MYH14: variants seen among roughly 807,000 people sequenced by gnomAD.
MYH14 encodes the protein myosin heavy chain 14, also known as myosin-14.
In MYH14, 123 loss-of-function variants were observed where a neutral mutation model predicts 255.5. The observed-to-expected ratio is 0.48, with a 90% CI of 0.42 to 0.56. MYH14 has a LOEUF of 0.56. Ranked by LOEUF, MYH14 falls within the 20% of genes least tolerant of loss-of-function variation. The pLI, the probability that MYH14 is intolerant of heterozygous loss-of-function variation, is 0.00. For missense variants in MYH14, 2,423 were observed against 2,802.3 expected, an observed-to-expected ratio of 0.86 and a Z score of 3.06; for synonymous variants, 1,095 against 1,161.2, an observed-to-expected ratio of 0.94 and a Z score of 1.16.
chr19:50,231,214 G>T (rs1376664994), intron 9 of MYH14, among the ~76,000 whole-genome samples: 1 of 152,214 alleles, frequency 6.6e-6, no homozygotes, highest in Non-Finnish European at 1.5e-5. Flanking sequence ...CCGCTTCCTG[G>T]CTCCTGCGGC....
chr19:50,286,267 T>C, intron 33 of MYH14: 1 of 473,636 alleles, frequency 2.1e-6, no homozygotes, highest in Non-Finnish European at 3.8e-6. Context: ...GTTGAACATA[T>C]AGAGTTAGGG....
intron 11 of MYH14, among the ~76,000 whole-genome samples, chr19:50,245,431 A>T (rs1568492909): frequency 3.9e-5 from 5 of 128,622 alleles, no homozygotes; most frequent in Non-Finnish European, 3.2e-5. Flanking sequence ...AAAAAAAAAA[A>T]AGAAGAAGAA....
chr19:50,307,199 C>A, intron 41 of MYH14, 42 bp downstream of exon 41: 2 of 1,277,066 alleles, frequency 1.6e-6, no homozygotes, highest in South Asian at 1.3e-5. Flanking sequence ...AGAGTGTGAC[C>A]ACTGGCTGAG....
At chr19:50,271,823 G>A in intron 25 of MYH14, 26 bp from the exon 26 acceptor site, 3 of 1,612,024 alleles carry the variant, frequency 1.9e-6, no homozygotes, top group Non-Finnish European at 2.5e-6. Context: ...CCTCCTGACT[G>A]CCCCCCATCC....
intron 2 of MYH14, 85 bp from the exon 3 acceptor site, chr19:50,217,530 A>G (rs1225599917): frequency 6.2e-6 from 9 of 1,455,554 alleles, no homozygotes; most frequent in Non-Finnish European, 8.7e-6. Flanking sequence ...GCCCTTGTGC[A>G]GTGCACGGCC....
At chr19:50,267,979 A>T (rs936566406) in intron 23 of MYH14, among the ~76,000 whole-genome samples, 182 bp from the exon 24 acceptor site, 8 of 151,592 alleles carry the variant, frequency 5.3e-5, no homozygotes, top group African/African-American at 1.9e-4. Context: ...GATTAGGGGG[A>T]TGTGGGCTCA....
chr19:50,293,777 G>C lies in MYH14; in HGVS notation c.5469+90G>C. The C allele has an allele frequency of 7.2e-7, 1 of 1,391,402 alleles. No homozygotes were observed. The highest frequency in any genetic ancestry group is 9.6e-7 in the Non-Finnish European group (1 of 1,037,614). 86.2% of individuals were successfully genotyped at this position (1,391,402 alleles called of 1,614,324 possible). A position where few individuals can be genotyped will look rare whatever the true frequency, so the allele number is the denominator to read the frequency against. On this transcript the variant is annotated intron_variant, in intron 39 of 42. Coordinates refer to ENST00000642316, the MANE Select transcript of MYH14 (RefSeq NM_001145809.2). The surrounding 1 kb of genome is among the most constrained non-coding windows in gnomAD (Gnocchi z 4.1). ...CCTCTTATTCAACAAATATAGAAAG[G>C]GGATATTTGAGTTGGGTTTTGAAGG...
rs1490027557 is a variant in MYH14 at position 50,301,874 on chromosome 19, G to A, written c.5678+5G>A. On this transcript the variant is annotated splice_donor_5th_base_variant and intron_variant, in intron 40 of 42. Transcript: ENST00000642316. ...GCAGCTAGAGCAAGAGACCAGGTAGGTGAGAGCGGAGGCCACAGGAGAAAG... is the reference window on the plus strand; with the variant it reads ...GCAGCTAGAGCAAGAGACCAGGTAGATGAGAGCGGAGGCCACAGGAGAAAG... 8 of 1,607,084 alleles carry A rather than the reference G, an allele frequency of 5.0e-6. No homozygotes were observed. The highest frequency in any genetic ancestry group is 6.8e-6 in the Non-Finnish European group (8 of 1,176,526).
At position 50,230,369 on chromosome 19, in the gene MYH14, C is replaced by T. The variant is rs1483464381; in HGVS notation, c.875-156C>T. The stretch of plus-strand genomic sequence containing the variant: ...CTTAAGTGACATGAGCACGGCTGCT[C>T]TTCCAGTTAGTGGCAAAGTCACCAG... On this transcript the variant is annotated intron_variant, in intron 8 of 42. Coordinates refer to ENST00000642316, the MANE Select transcript of MYH14 (RefSeq NM_001145809.2). The surrounding 1 kb of genome is among the most constrained non-coding windows in gnomAD (Gnocchi z 4.7). Among the ~76,000 whole-genome samples the T allele has an allele frequency of 1.3e-5, 2 of 152,238 alleles. No individual in the cohort carries two copies. The highest frequency in any genetic ancestry group is 2.4e-5 in the African/African-American group (1 of 41,456).
chr19:50,223,096 G>C lies in MYH14; in HGVS notation c.576G>C (p.Gln192His). The C allele has an allele frequency of 6.2e-7, 1 of 1,613,758 alleles. No homozygotes were observed. Among genetic ancestry groups the C allele is most frequent in the Admixed American group, 1.7e-5 (1 of 60,020 alleles). The change falls in exon 4 of 43, where the codon CAG (glutamine) becomes CAC (histidine). Residue 192 changes from glutamine to histidine, a missense_variant. Physicochemically the swap from Gln to His is conservative, Grantham distance 24 (BLOSUM62 0). This residue lies in a region of MYH14 where 672 missense variants were observed against 881.8 expected (regional missense o/e 0.76). Coordinates refer to ENST00000642316, the MANE Select transcript of MYH14 (RefSeq NM_001145809.2). ...YRSMLQDREDQSILCTGESGA... is the reference protein window; with the variant it reads ...YRSMLQDREDHSILCTGESGA... ...TGTCCCCTACAGATCGTGAGGACCA[G>C]TCCATTCTCTGCACGTGAGTAATCT...
At chr19:50,223,480 C>T in intron 5 of MYH14, 131 bp downstream of exon 5, 1 of 705,700 alleles carries the variant, frequency 1.4e-6, no homozygotes, top group Non-Finnish European at 2.5e-6. Flanking sequence ...ACCTGAGCAC[C>T]TACTGTGTGC....
intron 21 of MYH14, among the ~76,000 whole-genome samples, chr19:50,262,835 C>T (rs935956336): frequency 6.6e-6 from 1 of 152,090 alleles, no homozygotes; most frequent in Non-Finnish European, 1.5e-5. Context: ...ACGGCCAGAA[C>T]ACAGTGAGAT....
intron 10 of MYH14, among the ~76,000 whole-genome samples, chr19:50,235,454 C>G (rs2033619254): frequency 6.6e-6 from 1 of 151,736 alleles, no homozygotes; most frequent in African/African-American, 2.4e-5. Flanking sequence ...GCCCAGCACT[C>G]TGGCCTAGGT....
intron 6 of MYH14, among the ~76,000 whole-genome samples, 165 bp downstream of exon 6, chr19:50,224,342 T>C (rs1406213091): frequency 6.6e-6 from 1 of 152,136 alleles, no homozygotes; most frequent in Admixed American, 6.6e-5. Context: ...TGTGTGAGTG[T>C]GTGCAGATGG....
rs1490793644 is a variant in MYH14, at chr19:50,272,544, C to T, written c.3296-16C>T. ...GGCCTGGAGTCCTCATGCACGGCCC[C>T]CACCCCTGCCTCCAGACCGCCTACG... On this transcript the variant is annotated splice_polypyrimidine_tract_variant and intron_variant, in intron 26 of 42. Transcript: ENST00000642316. 6.4e-7 allele frequency: 1 copy of T among 1,558,122 alleles called. No individual in the cohort carries two copies. Among genetic ancestry groups the T allele is most frequent in the East Asian group, 2.4e-5 (1 of 41,788 alleles).
chr19:50,278,006 G>A (rs2035571305), intron 29 of MYH14, 77 bp from the exon 30 acceptor site: 2 of 1,151,606 alleles, frequency 1.7e-6, no homozygotes, highest in Non-Finnish European at 2.4e-6. Flanking sequence ...CCAGTGCAAA[G>A]GCCCTGAGAT....
At chr19:50,305,227 A>T (rs1349727100) in intron 40 of MYH14, among the ~76,000 whole-genome samples, 1 of 151,858 alleles carries the variant, frequency 6.6e-6, no homozygotes, top group East Asian at 1.9e-4. Flanking sequence ...GGAGTCTGGA[A>T]TGATGGTCCA....
chr19:50,205,397 C>A, intron 1 of MYH14: 1 of 152,802 alleles, frequency 6.5e-6, no homozygotes, highest in South Asian at 2.0e-4. Flanking sequence ...CCGCCCCGTT[C>A]CCAGCCGGGC....
At chr19:50,203,840 G>T (rs1345429786) in intron 1 of MYH14, among the ~76,000 whole-genome samples, 169 bp downstream of exon 1, 1 of 151,864 alleles carries the variant, frequency 6.6e-6, no homozygotes. Flanking sequence ...ACGGCGGCGA[G>T]GGAGGTGGGG....
Sources: allele counts gnomAD v4.1 joint callset (sites outside exome capture counted in the v4.1 genomes callset), GRCh38; gene constraint gnomAD v4.1.1; regional missense constraint gnomAD v4.1.1; non-coding constraint Gnocchi (gnomAD v3.1); transcripts MANE v1.5; gene names NCBI Gene and HGNC (gene_info 2026-07-23, HGNC 2026-07-21).